The following ACBD3 variants were observed in gnomAD, a reference collection of about 807,000 sequenced individuals.
ACBD3 encodes Golgi resident protein GCP60.
Under a neutral mutation model 66.9 loss-of-function variants are expected in ACBD3, and 30 were observed. That is an observed-to-expected ratio of 0.45 (90% CI 0.34 to 0.61). ACBD3 has a LOEUF of 0.61. Among genes scored for constraint, ACBD3 ranks in the 20% least tolerant of loss-of-function variants. The pLI, the probability that ACBD3 is intolerant of heterozygous loss-of-function variation, is 0.02. For synonymous variants in ACBD3, 278 were observed against 259.8 expected (o/e 1.07, Z -0.68); for missense variants, 544 against 664.5 (o/e 0.82, Z 1.99).
chr1:226,165,039 A>G (rs929750425), intron 2 of ACBD3, 110 bp from the exon 3 acceptor site: 1 of 1,201,092 alleles, frequency 8.3e-7, no homozygotes. Flanking sequence ...GAATGATTCT[A>G]TTGGGAGCAA....
intron 3 of ACBD3, among the ~76,000 whole-genome samples, chr1:226,162,961 T>C (rs1178515771): frequency 6.6e-6 from 1 of 151,816 alleles, no homozygotes; most frequent in Non-Finnish European, 1.5e-5. Context: ...CACATCCGGC[T>C]AATTTTTGTA....
At chr1:226,148,104 T>A (rs899734020) in intron 7 of ACBD3, 1 of 152,174 alleles carries the variant, frequency 6.6e-6, no homozygotes. Flanking sequence ...TATAGCAGAT[T>A]AAGGAGATAT....
In ACBD3 at chr1:226,144,855, G is replaced by C. The variant is rs565147522; in HGVS notation, c.*1755C>G. 6.6e-6 allele frequency: 1 copy of C among 152,568 alleles called. No homozygotes were observed. The highest frequency in any genetic ancestry group is 1.5e-5 in the Non-Finnish European group (1 of 68,040). The allele number at this position is 152,568 out of a possible 1,614,324, so 9.5% of individuals were successfully genotyped here. A position where few individuals can be genotyped will look rare whatever the true frequency, so the allele number is the denominator to read the frequency against. ...GTAAAGTAACATACACTGCTCCCAA[G>C]AACAATGATATTTTTAGGAGATAAT... On this transcript the variant is annotated 3_prime_UTR_variant, in exon 8 of 8. Coordinates refer to ENST00000366812, the MANE Select transcript of ACBD3 (RefSeq NM_022735.4).
At chr1:226,169,820 G>A (rs545528865) in intron 1 of ACBD3, among the ~76,000 whole-genome samples, 3 of 151,494 alleles carry the variant, frequency 2.0e-5, no homozygotes, top group East Asian at 2.0e-4. Context: ...TCAAGAGTTC[G>A]AGATCAGTCT....
At chr1:226,148,132 T>G (rs904280815) in intron 7 of ACBD3, 2 of 152,190 alleles carry the variant, frequency 1.3e-5, no homozygotes, top group Non-Finnish European at 2.9e-5. Context: ...GACTATAATG[T>G]GGCATCCTGG....
intron 1 of ACBD3, among the ~76,000 whole-genome samples, chr1:226,177,796 T>G (rs1256724504): frequency 6.6e-6 from 1 of 151,244 alleles, no homozygotes; most frequent in African/African-American, 2.4e-5. Context: ...CAGGCTGGAG[T>G]GCAGTGGCAC....
chr1:226,172,603 T>C (rs1655858063), intron 1 of ACBD3, among the ~76,000 whole-genome samples: 1 of 152,056 alleles, frequency 6.6e-6, no homozygotes, highest in African/African-American at 2.4e-5. Flanking sequence ...AATCTCCAAA[T>C]TAATAATTTT....
At chr1:226,170,209 G>C (rs1272024863) in intron 1 of ACBD3, among the ~76,000 whole-genome samples, 2 of 147,216 alleles carry the variant, frequency 1.4e-5, no homozygotes, top group Non-Finnish European at 3.0e-5. Flanking sequence ...CCAGGCTGGA[G>C]TGCAGTGGCA....
intron 5 of ACBD3, among the ~76,000 whole-genome samples, chr1:226,158,256 C>T (rs1659710685): frequency 6.6e-6 from 1 of 152,298 alleles, no homozygotes; most frequent in African/African-American, 2.4e-5. Context: ...TGCTGAGCAA[C>T]TATAATGTAA....
At chr1:226,157,706 AT>A (rs908907038) in intron 5 of ACBD3, among the ~76,000 whole-genome samples, 24 of 149,802 alleles carry the variant, frequency 1.6e-4, no homozygotes, top group African/African-American at 3.9e-4. Flanking sequence ...TGCCCAGCTA[AT>A]TTTTTTTTTC....
rs771557145 is a variant in ACBD3 at position 226,152,362 on chromosome 1, A to G, written c.1348T>C (p.Ser450Pro). Residue 450 changes from serine to proline, a missense_variant, in exon 7 of 8, where the codon TCC (serine) becomes CCC (proline). By Grantham distance (74) the Ser-to-Pro change is moderately conservative. Around this residue, in one of 3 missense-constraint regions of ACBD3, gnomAD observed 383 missense variants for 462.4 expected, o/e 0.83. Coordinates refer to ENST00000366812, the MANE Select transcript of ACBD3 (RefSeq NM_022735.4). Reference sequence around the variant, plus strand: ...TCTTCCTCCTCGTCGTCATCGCTGGACTCACTGACATGCACGCTGACAGCA... The same window carrying G: ...TCTTCCTCCTCGTCGTCATCGCTGGGCTCACTGACATGCACGCTGACAGCA... The part of the protein sequence containing the change: ...NTAVSVHVSE[S>P]SDDDEEEEEN... 3 of 1,614,092 alleles carry G rather than the reference A, an allele frequency of 1.9e-6. No individual in the cohort carries two copies. In the Admixed American group the frequency reaches 5.0e-5, roughly 27 times the overall value.
intron 5 of ACBD3, 179 bp from the exon 6 acceptor site, chr1:226,155,012 A>G (rs1659645828): frequency 2.5e-6 from 1 of 406,586 alleles, no homozygotes; most frequent in East Asian, 3.6e-5. Context: ...GTACAATATC[A>G]AACTGACAGC....
At chr1:226,183,115 T>A (rs1160163603) in intron 1 of ACBD3, among the ~76,000 whole-genome samples, 2 of 152,194 alleles carry the variant, frequency 1.3e-5, no homozygotes, top group Non-Finnish European at 2.9e-5. Context: ...GAAAAATATA[T>A]CCATGCTTTC....
chr1:226,167,595 C>T (rs1576236540), intron 1 of ACBD3, among the ~76,000 whole-genome samples: 3 of 152,160 alleles, frequency 2.0e-5, no homozygotes, highest in Non-Finnish European at 4.4e-5. Flanking sequence ...AACAGTTCCA[C>T]TTCTTTGATA....
In ACBD3 at chr1:226,145,074, T is replaced by C. The variant is rs1659422158; in HGVS notation, c.*1536A>G. 1 of 152,526 alleles carries C rather than the reference T, an allele frequency of 6.6e-6. No individual in the cohort carries two copies. The highest frequency in any genetic ancestry group is 2.1e-4 in the South Asian group (1 of 4,820). The allele number at this position is 152,526 out of a possible 1,614,324, so 9.4% of individuals were successfully genotyped here. ...AGCTGACAGAGAGCCTGACAAATGTTCTGGATGTAACAGTATGAACACCTA... is the reference window on the plus strand; with the variant it reads ...AGCTGACAGAGAGCCTGACAAATGTCCTGGATGTAACAGTATGAACACCTA... On this transcript the variant is annotated 3_prime_UTR_variant, in exon 8 of 8. Transcript: ENST00000366812.
chr1:226,152,681 T>C (rs1659600844), intron 6 of ACBD3, 62 bp from the exon 7 acceptor site: 4 of 1,493,990 alleles, frequency 2.7e-6, no homozygotes, highest in South Asian at 2.5e-5. Context: ...GGTAGCCACA[T>C]TTTCATAGCA....
Position 226,145,570 on chromosome 1 carries a change from A to G in ACBD3, c.*1040T>C, listed in dbSNP as rs890685521. 2.6e-5 allele frequency: 4 copies of G among 152,650 alleles called. No individual in the cohort carries two copies. The highest frequency in any genetic ancestry group is 9.6e-5 in the African/African-American group (4 of 41,470). The allele number at this position is 152,650 out of a possible 1,614,324, so 9.5% of individuals were successfully genotyped here. On this transcript the variant is annotated 3_prime_UTR_variant, in exon 8 of 8. Transcript: ENST00000366812. ...CAAATTAAAGCTATAAAATTTAAGC[A>G]TGGGCATATGTATTTCCAATTCTCC...
chr1:226,155,003 T>C (rs1659645668), intron 5 of ACBD3, 170 bp from the exon 6 acceptor site: 1 of 421,622 alleles, frequency 2.4e-6, no homozygotes, highest in Non-Finnish European at 4.1e-6. Context: ...ATATTATTAG[T>C]ACAATATCAA....
chr1:226,186,495 C>A lies in ACBD3; in HGVS notation c.181G>T (p.Gly61Trp). ...GCCGCGCCCCCAGCCGCCGCCTCCCCGGGCTCGGGCTGCTCCCCTGAGGCG... is the reference window on the plus strand; with the variant it reads ...GCCGCGCCCCCAGCCGCCGCCTCCCAGGGCTCGGGCTGCTCCCCTGAGGCG... ...PGASGEQPEP[G>W]EAAAGGAAEE... is the part of the protein sequence containing the mutation. Residue 61 changes from glycine to tryptophan, a missense_variant, in exon 1 of 8, where the codon GGG becomes TGG. By Grantham distance (184) the Gly-to-Trp change is radical (BLOSUM62 -2). Transcript: ENST00000366812. 1 of 1,478,334 alleles carries A rather than the reference C, an allele frequency of 6.8e-7. No individual in the cohort carries two copies. Among genetic ancestry groups the A allele is most frequent in the Non-Finnish European group, 9.0e-7 (1 of 1,116,908 alleles). 91.6% of individuals were successfully genotyped at this position (1,478,334 alleles called of 1,614,324 possible).
Sources: allele counts gnomAD v4.1 joint callset (sites outside exome capture counted in the v4.1 genomes callset), GRCh38; gene constraint gnomAD v4.1.1; regional missense constraint gnomAD v4.1.1; transcripts MANE v1.5; gene names NCBI Gene and HGNC (gene_info 2026-07-23, HGNC 2026-07-21).